The following KMT2C variants were observed in gnomAD, a reference collection of about 807,000 sequenced individuals.
The protein encoded by KMT2C is histone-lysine N-methyltransferase 2C.
A neutral mutation model predicts 507.9 loss-of-function variants in KMT2C; 88 were observed. The observed-to-expected ratio is 0.17, with a 90% CI of 0.15 to 0.21. KMT2C has a LOEUF of 0.21. KMT2C is among the 10% of genes least tolerant of loss of function. The pLI is 1.00. For synonymous variants in KMT2C, 2,049 were observed against 2,080.8 expected (o/e 0.98, Z 0.42); for missense variants, 4,954 against 5,957.8 (o/e 0.83, Z 5.55).
At chr7:152,207,560 T>C (rs1033035128) in intron 23 of KMT2C, 132 bp from the exon 24 acceptor site, 34 of 720,126 alleles carry the variant, frequency 4.7e-5, no homozygotes, top group Non-Finnish European at 6.4e-5. Flanking sequence ...AGGGAAAGTA[T>C]GAAAGGAGAT....
chr7:152,358,316 C>T (rs1459453826), intron 2 of KMT2C, among the ~76,000 whole-genome samples: 2 of 152,008 alleles, frequency 1.3e-5, no homozygotes, highest in Admixed American at 6.5e-5. Context: ...GCCTGGATTA[C>T]TGTTTCTCCC....
chr7:152,296,774 T>C (rs2096500933), intron 6 of KMT2C, among the ~76,000 whole-genome samples: 1 of 151,900 alleles, frequency 6.6e-6, no homozygotes, highest in African/African-American at 2.4e-5. Flanking sequence ...GCATAATACT[T>C]CTAATTCTGA....
At chr7:152,161,739 A>G (rs1033295026) in intron 43 of KMT2C, among the ~76,000 whole-genome samples, 1 of 152,194 alleles carries the variant, frequency 6.6e-6, no homozygotes, top group Admixed American at 6.5e-5. Context: ...ATAGGGGTGC[A>G]TGGGCTATCC....
At chr7:152,332,695 A>G (rs2096895002) in intron 2 of KMT2C, among the ~76,000 whole-genome samples, 1 of 152,142 alleles carries the variant, frequency 6.6e-6, no homozygotes, top group Non-Finnish European at 1.5e-5. Flanking sequence ...CTAAAAATAT[A>G]AAATTAGCCG....
chr7:152,273,973 A>G (rs2096026574), intron 6 of KMT2C, 106 bp from the exon 7 acceptor site: 6 of 1,035,854 alleles, frequency 5.8e-6, no homozygotes, highest in Non-Finnish European at 7.8e-6. Context: ...CAAGTAAAAC[A>G]AATTGAACCT....
rs368481122 is a variant in KMT2C, at chr7:152,338,902, CTTT to C, written c.251-8166_251-8164del. On this transcript the variant is annotated intron_variant, in intron 2 of 58. Coordinates refer to ENST00000262189, the MANE Select transcript of KMT2C (RefSeq NM_170606.3). ...ACACTATGAGATAACTAAAAATACT[CTTT>C]TTTAAGCACTGCTGAATAAAATTAT... 1.8e-3 allele frequency among the ~76,000 whole-genome samples: 278 copies of C among 152,274 alleles called. 4 individuals are homozygous for C. Among genetic ancestry groups the C allele is most frequent in the African/African-American group, 6.5e-3 (272 of 41,552 alleles).
At chr7:152,218,670 A>T (rs2094660727) in intron 23 of KMT2C, among the ~76,000 whole-genome samples, 1 of 152,140 alleles carries the variant, frequency 6.6e-6, no homozygotes, top group Non-Finnish European at 1.5e-5. Flanking sequence ...ATTAAGCACA[A>T]ACTACTGACA....
rs778818239 is a variant in KMT2C at position 152,181,186 on chromosome 7, G to A, written c.6674C>T (p.Pro2225Leu). 6.8e-6 allele frequency: 11 copies of A among 1,613,968 alleles called. No homozygotes were observed. The highest frequency in any genetic ancestry group is 1.7e-5 in the Admixed American group (1 of 59,980). Residue 2225 changes from proline (P) to leucine (L), a missense_variant, in exon 36 of 59, where the codon CCA becomes CTA. Around this residue, in one of 29 missense-constraint regions of KMT2C, gnomAD observed 1,689 missense variants for 1,654.3 expected, o/e 1.02. Transcript: ENST00000262189. Reference protein sequence around the residue: ...SVPYSQPPATPRPRISEGFTR... With the variant: ...SVPYSQPPATLRPRISEGFTR... ...AAAACCCTCTGAAATCCTTGGCCTT[G>A]GTGTTGCTGGTGGCTGAGAGTAAGG...
chr7:152,153,919 C>T, intron 48 of KMT2C, 91 bp downstream of exon 48: 1 of 1,269,288 alleles, frequency 7.9e-7, no homozygotes, highest in Non-Finnish European at 1.1e-6. Context: ...CTCAGTGATC[C>T]TGTTTGTGTG....
In KMT2C at chr7:152,368,804, T is replaced by A. The variant is rs928098928; in HGVS notation, c.162-10129A>T. 22 of 665,514 alleles carry A rather than the reference T, an allele frequency of 3.3e-5. No individual in the cohort carries two copies. In the African/African-American group the frequency reaches 3.6e-4, roughly 11 times the overall value. 41.2% of individuals were successfully genotyped at this position (665,514 alleles called of 1,614,324 possible). On this transcript the variant is annotated intron_variant, in intron 1 of 58. Coordinates refer to ENST00000262189, the MANE Select transcript of KMT2C (RefSeq NM_170606.3). ...GCGTGACAAAAATTATTTTTTCTTG[T>A]TTTTCTTGATGGAGATTAAGATGCC...
chr7:152,316,768 C>A (rs146699672), intron 3 of KMT2C, among the ~76,000 whole-genome samples: 1 of 151,586 alleles, frequency 6.6e-6, no homozygotes, highest in Non-Finnish European at 1.5e-5. Flanking sequence ...ATTTCAAGTT[C>A]ATGAGAAACT....
intron 53 of KMT2C, among the ~76,000 whole-genome samples, chr7:152,145,886 G>A (rs947656067): frequency 1.3e-5 from 2 of 152,162 alleles, no homozygotes; most frequent in African/African-American, 2.4e-5. Flanking sequence ...GGAATACATT[G>A]CTTGTGAAAT....
chr7:152,364,935 A>C (rs1309786007), intron 1 of KMT2C, among the ~76,000 whole-genome samples: 1 of 65,028 alleles, frequency 1.5e-5, no homozygotes, highest in African/African-American at 6.0e-5. Context: ...AAACAGACAG[A>C]CACACACACA....
At chr7:152,307,309 GACGAAGGACA>G (rs2096629483) in intron 6 of KMT2C, among the ~76,000 whole-genome samples, 5 of 126,156 alleles carry the variant, frequency 4.0e-5, no homozygotes, top group Admixed American at 8.5e-5. Flanking sequence ...AAGGAAGGAA[GACGAAGGACA>G]GAAGAGGAAG....
chr7:152,319,614 T>C (rs1047193959), intron 3 of KMT2C, among the ~76,000 whole-genome samples: 5 of 151,986 alleles, frequency 3.3e-5, no homozygotes, highest in African/African-American at 1.2e-4. Context: ...CTCCACCTCT[T>C]GTGGAGGGCC....
intron 16 of KMT2C, among the ~76,000 whole-genome samples, chr7:152,232,825 T>C (rs2095161360): frequency 6.6e-6 from 1 of 152,184 alleles, no homozygotes; most frequent in Non-Finnish European, 1.5e-5. Context: ...GTCATAGAAC[T>C]AATGATGCAT....
chr7:152,235,471 T>C (rs979115134), intron 16 of KMT2C, among the ~76,000 whole-genome samples: 2 of 152,020 alleles, frequency 1.3e-5, no homozygotes, highest in Non-Finnish European at 2.9e-5. Flanking sequence ...AGCAAATATA[T>C]TTGCAATACA....
intron 2 of KMT2C, among the ~76,000 whole-genome samples, chr7:152,355,335 C>T (rs1247521488): frequency 1.3e-5 from 2 of 152,094 alleles, no homozygotes; most frequent in Non-Finnish European, 2.9e-5. Context: ...CCTCTTCAGA[C>T]ATCTAAGAAG....
chr7:152,154,069 T>C lies in KMT2C; in HGVS notation c.12217A>G (p.Asn4073Asp), dbSNP rs1166894939. The change falls in exon 48 of 59, where the codon AAT (asparagine) becomes GAT (aspartate). Residue 4073 changes from asparagine (N) to aspartate (D), a missense_variant. Physicochemically the swap from Asn to Asp is conservative, Grantham distance 23. This residue lies in a region of KMT2C where 417 missense variants were observed against 461.1 expected (regional missense o/e 0.90). Coordinates refer to ENST00000262189, the MANE Select transcript of KMT2C (RefSeq NM_170606.3). ...GATATAAGACCTGATCTGGGACCAT[T>C]TGGGGAAGGACCAAAAGGTGACGCA... The part of the protein sequence containing the change: ...YFASPFGPSP[N>D]GPRSGLISVA... 1.2e-6 allele frequency: 2 copies of C among 1,613,922 alleles called. No individual in the cohort carries two copies. The highest frequency in any genetic ancestry group is 1.7e-6 in the Non-Finnish European group (2 of 1,179,962).
Sources: allele counts gnomAD v4.1 joint callset (sites outside exome capture counted in the v4.1 genomes callset), GRCh38; gene constraint gnomAD v4.1.1; regional missense constraint gnomAD v4.1.1; transcripts MANE v1.5; gene names NCBI Gene and HGNC (gene_info 2026-07-23, HGNC 2026-07-21).